SPRY3: variants seen among roughly 807,000 people sequenced by gnomAD.
The protein encoded by SPRY3 is sprouty RTK signaling antagonist 3.
SPRY3 carries 15 observed loss-of-function variants against 20.2 expected under a neutral mutation model. The observed-to-expected ratio is 0.74, with a 90% CI of 0.50 to 1.14. The LOEUF is 1.14. Among genes scored for constraint, SPRY3 ranks in the 50% most tolerant of loss-of-function variants. The pLI is 0.00. For missense variants in SPRY3, 364 were observed against 363.9 expected, an observed-to-expected ratio of 1.00 and a Z score of 0.00; for synonymous variants, 143 against 136.5, an observed-to-expected ratio of 1.05 and a Z score of -0.33.
At chrX:155,774,094 T>C (rs1466801832) in exon 4 of SPRY3, 1 of 1,613,988 alleles carries the variant, frequency 6.2e-7, no homozygotes, top group African/African-American at 1.3e-5. Context: ...ACTGCAGCCC[T>C]TGCCTCAGCA....
At chrX:155,745,530 G>T (rs764936457) in intron 2 of SPRY3, among the ~76,000 whole-genome samples, 1 of 152,098 alleles carries the variant, frequency 6.6e-6, no homozygotes, top group South Asian at 2.1e-4. Context: ...AGACCTTATT[G>T]TTCTAAGATA....
exon 4 of SPRY3, chrX:155,774,079 C>A: frequency 6.2e-7 from 1 of 1,613,988 alleles, no homozygotes; most frequent in Non-Finnish European, 8.5e-7. Context: ...CAGCCAGTGC[C>A]ATCAACTGCA....
chrX:155,773,699 G>C, intron 3 of SPRY3, 67 bp from the exon 3 acceptor site: 1 of 707,302 alleles, frequency 1.4e-6, no homozygotes, highest in Admixed American at 2.8e-5. Context: ...CCTGAGCTTT[G>C]TTGGTTTCTT....
chrX:155,744,073 A>G (rs1426496320), intron 2 of SPRY3, among the ~76,000 whole-genome samples: 2 of 152,070 alleles, frequency 1.3e-5, no homozygotes, highest in East Asian at 3.9e-4. Context: ...GAAGGGAGAA[A>G]GAAGATGGAA....
At chrX:155,652,925 A>G (rs1428076717) in intron 1 of SPRY3, among the ~76,000 whole-genome samples, 1 of 111,862 alleles carries the variant, frequency 8.9e-6, no homozygotes, top group African/African-American at 3.2e-5. Flanking sequence ...ATGGGTGTGA[A>G]GTGATATCTA....
chrX:155,716,243 C>T (rs2091021578), intron 2 of SPRY3, among the ~76,000 whole-genome samples: 1 of 152,116 alleles, frequency 6.6e-6, no homozygotes, highest in South Asian at 2.1e-4. Flanking sequence ...CTTTGCCATC[C>T]CAAAGATGTT....
At chrX:155,722,459 T>TC (rs2124554484) in intron 2 of SPRY3, among the ~76,000 whole-genome samples, 2 of 152,238 alleles carry the variant, frequency 1.3e-5, no homozygotes, top group South Asian at 4.2e-4. Flanking sequence ...AGGTGGAGGT[T>TC]GCAGTGAGCC....
intron 1 of SPRY3, among the ~76,000 whole-genome samples, chrX:155,638,342 A>T: frequency 9.1e-5 from 1 of 10,965 alleles, no homozygotes; most frequent in Non-Finnish European, 2.7e-4. Context: ...ATATATATAT[A>T]TATATATATA....
Position 155,752,426 on chromosome X carries a change from T to G in SPRY3, c.-281-15536T>G, listed in dbSNP as rs575766883. ...TGACTGCATAACAATTTAAAACATTTGCAAAGCATGGAGTATTATAAGTTA... is the reference window on the plus strand; with the variant it reads ...TGACTGCATAACAATTTAAAACATTGGCAAAGCATGGAGTATTATAAGTTA... On this transcript the variant is annotated intron_variant, in intron 2 of 3. Coordinates refer to ENST00000675360, the Ensembl canonical transcript of SPRY3. Among the ~76,000 whole-genome samples, 109 of 151,796 alleles carry G rather than the reference T, an allele frequency of 7.2e-4. 3 individuals carry two copies. The South Asian group carries it at 0.022, about 31-fold the overall frequency.
intron 2 of SPRY3, among the ~76,000 whole-genome samples, chrX:155,657,481 C>T (rs1180977864): frequency 8.9e-6 from 1 of 112,279 alleles, no homozygotes; most frequent in African/African-American, 3.2e-5. Context: ...TCAATCTTTC[C>T]AGGTCAACCT....
At chrX:155,771,424 T>G (rs2091380791) in intron 3 of SPRY3, among the ~76,000 whole-genome samples, 1 of 152,134 alleles carries the variant, frequency 6.6e-6, no homozygotes, top group African/African-American at 2.4e-5. Flanking sequence ...TTGTATAACT[T>G]CCTTTAAATT....
intron 2 of SPRY3, chrX:155,767,706 A>AGGAGTAGGAGGAGAGAGAG (rs2091344537): frequency 1.5e-3 from 68 of 44,600 alleles, no homozygotes; most frequent in Non-Finnish European, 3.4e-3. Context: ...AGGAGAAAGA[A>AGGAGTAGGAGGAGAGAGAG]GAGGAGGAGG....
intron 2 of SPRY3, among the ~76,000 whole-genome samples, chrX:155,672,614 G>C (rs1603130165): frequency 9.2e-6 from 1 of 109,029 alleles, no homozygotes; most frequent in East Asian, 2.9e-4. Flanking sequence ...TACACTGTTG[G>C]TGGGACTGTA....
intron 2 of SPRY3, among the ~76,000 whole-genome samples, chrX:155,692,198 TAGC>T (rs1241794091): frequency 3.8e-4 from 42 of 111,108 alleles, no homozygotes; most frequent in African/African-American, 1.3e-3. Flanking sequence ...ATTTTACATT[TAGC>T]TCCCTGGTTG....
At chrX:155,671,593 T>A (rs2068040894) in intron 2 of SPRY3, among the ~76,000 whole-genome samples, 1 of 111,042 alleles carries the variant, frequency 9.0e-6, no homozygotes, top group Admixed American at 9.5e-5. Flanking sequence ...TGTATTTTTA[T>A]ATGTATGTAT....
At chrX:155,635,624 A>T (rs1296745896) in intron 1 of SPRY3, among the ~76,000 whole-genome samples, 1 of 112,257 alleles carries the variant, frequency 8.9e-6, no homozygotes, top group Non-Finnish European at 1.9e-5. Flanking sequence ...GCTCATTATC[A>T]CTGGTCATCA....
intron 1 of SPRY3, among the ~76,000 whole-genome samples, chrX:155,619,987 C>T (rs1017954698): frequency 9.0e-6 from 1 of 111,544 alleles, no homozygotes; most frequent in Non-Finnish European, 1.9e-5. Flanking sequence ...ATCACAAAGA[C>T]ACAACACTTC....
intron 2 of SPRY3, among the ~76,000 whole-genome samples, chrX:155,750,234 C>T (rs1466980115): frequency 1.3e-5 from 2 of 151,802 alleles, no homozygotes; most frequent in African/African-American, 4.8e-5. Context: ...ACATTGGGTA[C>T]ACATGAACAT....
intron 2 of SPRY3, among the ~76,000 whole-genome samples, chrX:155,731,038 A>G (rs2091129192): frequency 6.6e-6 from 1 of 152,114 alleles, no homozygotes; most frequent in Non-Finnish European, 1.5e-5. Flanking sequence ...AAGATATTCT[A>G]TGTTCATGGA....
Sources: allele counts gnomAD v4.1 joint callset (sites outside exome capture counted in the v4.1 genomes callset), GRCh38; gene constraint gnomAD v4.1.1; transcripts MANE v1.5; gene names NCBI Gene and HGNC (gene_info 2026-07-23, HGNC 2026-07-21).